Variants in CSMD3 observed in about 807,000 individuals in gnomAD.
The protein encoded by CSMD3 is CUB and Sushi multiple domains 3.
CSMD3 carries 177 observed loss-of-function variants against 435.2 expected under a neutral mutation model. The observed-to-expected ratio is 0.41, with a 90% CI of 0.36 to 0.46. The LOEUF (loss-of-function observed/expected upper bound fraction) is 0.46. Among genes scored for constraint, CSMD3 ranks in the 20% least tolerant of loss-of-function variants. The pLI, the probability that CSMD3 is intolerant of heterozygous loss-of-function variation, is 0.34. For missense variants in CSMD3, 4,265 were observed against 4,504.6 expected, an observed-to-expected ratio of 0.95 and a Z score of 1.52; for synonymous variants, 1,656 against 1,520.5, an observed-to-expected ratio of 1.09 and a Z score of -2.07.
chr8:113,152,680 TA>T (rs1196852074), intron 4 of CSMD3, among the ~76,000 whole-genome samples: 1 of 152,132 alleles, frequency 6.6e-6, no homozygotes, highest in African/African-American at 2.4e-5. Flanking sequence ...TTTGCCTGGT[TA>T]AAAAAATTTG....
chr8:112,227,674 G>A (rs1812697323), intron 70 of CSMD3, among the ~76,000 whole-genome samples: 1 of 152,124 alleles, frequency 6.6e-6, no homozygotes, highest in Non-Finnish European at 1.5e-5. Flanking sequence ...CTAGACCTAA[G>A]TAGCTGGTAA....
rs1484348751 is a variant in CSMD3, at chr8:112,247,008, C to T, written c.10222+12G>A. 6.4e-7 allele frequency: 1 copy of T among 1,569,858 alleles called. No homozygotes were observed. The highest frequency in any genetic ancestry group is 8.8e-7 in the Non-Finnish European group (1 of 1,139,898). Reference sequence around the variant, plus strand: ...ACCCATGATAGCATTATTTCTTATCCATAATACTTACGTATGCATTCAGGC... The same window carrying T: ...ACCCATGATAGCATTATTTCTTATCTATAATACTTACGTATGCATTCAGGC... On this transcript the variant is annotated intron_variant, in intron 64 of 70. Transcript: ENST00000297405.
chr8:112,469,595 G>A (rs1818321220), intron 32 of CSMD3, among the ~76,000 whole-genome samples: 1 of 152,112 alleles, frequency 6.6e-6, no homozygotes, highest in African/African-American at 2.4e-5. Flanking sequence ...CTGATAAGGA[G>A]CGCACAACCT....
chr8:112,472,907 T>C (rs1331773365), intron 31 of CSMD3, among the ~76,000 whole-genome samples, 200 bp from the exon 32 acceptor site: 1 of 152,184 alleles, frequency 6.6e-6, no homozygotes, highest in Non-Finnish European at 1.5e-5. Flanking sequence ...AGTATTCAAA[T>C]TTACTGTTCT....
chr8:112,634,488 A>G (rs2074602996), intron 22 of CSMD3, among the ~76,000 whole-genome samples: 1 of 152,046 alleles, frequency 6.6e-6, no homozygotes, highest in Admixed American at 6.6e-5. Context: ...TAATAAGCTT[A>G]AAAGCAAGCA....
chr8:113,197,623 G>A (rs940653428), intron 3 of CSMD3, among the ~76,000 whole-genome samples: 1 of 151,180 alleles, frequency 6.6e-6, no homozygotes, highest in African/African-American at 2.4e-5. Flanking sequence ...TTATGAACAA[G>A]TGAACATTAT....
chr8:113,304,879 CA>C (rs1413780795), intron 2 of CSMD3, among the ~76,000 whole-genome samples: 1 of 126,618 alleles, frequency 7.9e-6, no homozygotes, highest in African/African-American at 3.0e-5. Flanking sequence ...CTAACCTGCA[CA>C]ATGTGCACAT....
chr8:112,246,207 G>C (rs763244868), intron 64 of CSMD3, among the ~76,000 whole-genome samples: 1 of 152,072 alleles, frequency 6.6e-6, no homozygotes. Flanking sequence ...TAAGCTGCTG[G>C]TCCCTAGGTG....
intron 1 of CSMD3, among the ~76,000 whole-genome samples, chr8:113,315,628 A>G (rs960487088): frequency 2.8e-5 from 4 of 143,114 alleles, no homozygotes; most frequent in Non-Finnish European, 4.6e-5. Flanking sequence ...ATATATCACA[A>G]ATATATATCA....
chr8:112,596,172 T>C (rs1831696575), intron 22 of CSMD3, among the ~76,000 whole-genome samples: 2 of 151,218 alleles, frequency 1.3e-5, no homozygotes, highest in Non-Finnish European at 3.0e-5. Context: ...TGGAGGAAGA[T>C]CTACCAAGCA....
At chr8:113,054,196 T>C (rs2088219341) in intron 5 of CSMD3, among the ~76,000 whole-genome samples, 1 of 152,180 alleles carries the variant, frequency 6.6e-6, no homozygotes, top group African/African-American at 2.4e-5. Context: ...TATTTCTCTT[T>C]TCCCATTTTC....
At chr8:113,185,718 GGTGT>G (rs144207386) in intron 3 of CSMD3, among the ~76,000 whole-genome samples, 1 of 151,740 alleles carries the variant, frequency 6.6e-6, no homozygotes, top group Non-Finnish European at 1.5e-5. Flanking sequence ...TGTATATTTT[GGTGT>G]GTGTGTGTGC....
At chr8:112,294,202 C>A (rs2130702447) in intron 54 of CSMD3, among the ~76,000 whole-genome samples, 1 of 152,038 alleles carries the variant, frequency 6.6e-6, no homozygotes, top group East Asian at 1.9e-4. Context: ...TACCATGAAA[C>A]TAGAATTTCT....
intron 19 of CSMD3, among the ~76,000 whole-genome samples, chr8:112,647,378 T>C (rs908095817): frequency 7.9e-4 from 120 of 151,104 alleles, no homozygotes; most frequent in African/African-American, 2.9e-3. Flanking sequence ...CTCGGCTCCC[T>C]GAAAGCTCCG....
chr8:113,222,218 A>G (rs2092975680), intron 3 of CSMD3, among the ~76,000 whole-genome samples: 1 of 151,168 alleles, frequency 6.6e-6, no homozygotes, highest in Non-Finnish European at 1.5e-5. Flanking sequence ...AAAATCTGTT[A>G]TTTTTCCTAA....
At chr8:112,253,113 C>T (rs1049920570) in intron 63 of CSMD3, among the ~76,000 whole-genome samples, 2 of 151,834 alleles carry the variant, frequency 1.3e-5, no homozygotes, top group African/African-American at 2.4e-5. Context: ...ACACTAACAT[C>T]ACAATTTTGT....
chr8:113,230,448 G>A (rs2093072725), intron 3 of CSMD3, among the ~76,000 whole-genome samples: 1 of 151,478 alleles, frequency 6.6e-6, no homozygotes, highest in African/African-American at 2.4e-5. Context: ...GTGAGCTCTT[G>A]TCTAAGCATA....
chr8:112,982,840 T>C (rs2085103990), intron 6 of CSMD3, among the ~76,000 whole-genome samples: 1 of 151,992 alleles, frequency 6.6e-6, no homozygotes, highest in Non-Finnish European at 1.5e-5. Context: ...TACTTAATGA[T>C]GGCAAAATTT....
intron 9 of CSMD3, among the ~76,000 whole-genome samples, chr8:112,940,160 T>G (rs2083407879): frequency 6.6e-6 from 1 of 151,932 alleles, no homozygotes; most frequent in African/African-American, 2.4e-5. Context: ...GATAATAAAC[T>G]TTTCCTGAAT....
Sources: allele counts gnomAD v4.1 joint callset (sites outside exome capture counted in the v4.1 genomes callset), GRCh38; gene constraint gnomAD v4.1.1; transcripts MANE v1.5; gene names NCBI Gene and HGNC (gene_info 2026-07-23, HGNC 2026-07-21).